PCDH15: variants seen among roughly 807,000 people sequenced by gnomAD.
The protein encoded by PCDH15 is protocadherin related 15.
PCDH15 carries 129 observed loss-of-function variants against 178.5 expected under a neutral mutation model. That is an observed-to-expected ratio of 0.72 (90% CI 0.63 to 0.84). The LOEUF (loss-of-function observed/expected upper bound fraction) is 0.84, where lower values mean the gene tolerates loss of function less well. Among genes scored for constraint, PCDH15 ranks in the 40% least tolerant of loss-of-function variants. The pLI, the probability that PCDH15 is intolerant of heterozygous loss-of-function variation, is 0.00. For missense variants in PCDH15, 2,230 were observed against 2,099.9 expected (o/e 1.06, Z -1.21); for synonymous variants, 800 against 732.0 (o/e 1.09, Z -1.50).
At chr10:54,366,379 A>G (rs1314433039) in intron 5 of PCDH15, among the ~76,000 whole-genome samples, 2 of 152,114 alleles carry the variant, frequency 1.3e-5, no homozygotes, top group East Asian at 1.9e-4. Flanking sequence ...TAAAAGGACA[A>G]ATAGTATGAA....
At chr10:54,113,363 C>T (rs899318576) in intron 15 of PCDH15, among the ~76,000 whole-genome samples, 1 of 152,156 alleles carries the variant, frequency 6.6e-6, no homozygotes, top group Non-Finnish European at 1.5e-5. Context: ...CTTGACTCTC[C>T]TCACTTTCCA....
intron 2 of PCDH15, among the ~76,000 whole-genome samples, chr10:54,641,927 T>C (rs1168652374): frequency 6.6e-6 from 1 of 152,116 alleles, no homozygotes; most frequent in East Asian, 1.9e-4. Flanking sequence ...AAAATTATTA[T>C]CATTGGCTAA....
At chr10:55,130,788 G>A (rs1838021705) in intron 2 of PCDH15, among the ~76,000 whole-genome samples, 1 of 150,030 alleles carries the variant, frequency 6.7e-6, no homozygotes, top group African/African-American at 2.5e-5. Flanking sequence ...CCTTTTCATA[G>A]ATAACATTGT....
intron 1 of PCDH15, among the ~76,000 whole-genome samples, chr10:54,763,873 ATATT>A (rs1341098243): frequency 1.3e-5 from 2 of 150,876 alleles, no homozygotes; most frequent in Admixed American, 6.6e-5. Context: ...TTAGTACAGA[ATATT>A]TAGCCTTTTT....
intron 2 of PCDH15, among the ~76,000 whole-genome samples, chr10:55,088,774 A>T (rs1186213946): frequency 1.3e-5 from 2 of 151,592 alleles, no homozygotes; most frequent in Non-Finnish European, 2.9e-5. Flanking sequence ...CAATTTAAAG[A>T]ATACCTTCAT....
chr10:53,965,404 A>G (rs953704515), intron 21 of PCDH15, among the ~76,000 whole-genome samples: 2 of 152,182 alleles, frequency 1.3e-5, no homozygotes, highest in African/African-American at 4.8e-5. Flanking sequence ...TTTAAGAATT[A>G]TCTTCTGAAA....
chr10:54,649,655 A>ATG (rs974912819), intron 2 of PCDH15, among the ~76,000 whole-genome samples: 3 of 151,846 alleles, frequency 2.0e-5, no homozygotes, highest in African/African-American at 4.8e-5. Flanking sequence ...ATGTGTGTGT[A>ATG]TGTGTGTGTG....
intron 2 of PCDH15, among the ~76,000 whole-genome samples, chr10:55,164,120 G>A (rs1043213928): frequency 4.6e-5 from 7 of 152,082 alleles, no homozygotes; most frequent in Admixed American, 3.3e-4. Context: ...TATGGCTGCG[G>A]AGTCAGACCC....
At chr10:54,763,070 G>T (rs1360432670) in intron 1 of PCDH15, among the ~76,000 whole-genome samples, 1 of 152,130 alleles carries the variant, frequency 6.6e-6, no homozygotes, top group Non-Finnish European at 1.5e-5. Flanking sequence ...GACCATCTGT[G>T]AGAGGACACT....
intron 10 of PCDH15, among the ~76,000 whole-genome samples, chr10:54,197,097 A>T (rs1032825368): frequency 2.6e-5 from 4 of 152,156 alleles, no homozygotes; most frequent in African/African-American, 9.6e-5. Context: ...GACAGAAATA[A>T]TAAATTTCAT....
chr10:54,286,987 G>T (rs191984995), intron 8 of PCDH15, among the ~76,000 whole-genome samples: 19 of 152,162 alleles, frequency 1.2e-4, no homozygotes, highest in African/African-American at 3.9e-4. Flanking sequence ...TTATTAAATG[G>T]TCTATTATCC....
At chr10:54,278,942 G>A (rs2058509741) in intron 8 of PCDH15, among the ~76,000 whole-genome samples, 1 of 151,434 alleles carries the variant, frequency 6.6e-6, no homozygotes, top group African/African-American at 2.4e-5. Context: ...GCACTTACTT[G>A]TTGTTTCTAA....
intron 1 of PCDH15, among the ~76,000 whole-genome samples, chr10:54,740,565 T>G (rs967145551): frequency 6.6e-6 from 1 of 151,796 alleles, no homozygotes; most frequent in African/African-American, 2.4e-5. Context: ...CCACAAAAAA[T>G]CTGCAGTCTC....
chr10:53,956,600 A>T (rs976302126), intron 23 of PCDH15, among the ~76,000 whole-genome samples: 2 of 152,332 alleles, frequency 1.3e-5, no homozygotes, highest in Admixed American at 1.3e-4. Flanking sequence ...ATGCATTATG[A>T]TCAAGATACT....
At chr10:54,281,978 G>A (rs1056805188) in intron 8 of PCDH15, among the ~76,000 whole-genome samples, 7 of 152,024 alleles carry the variant, frequency 4.6e-5, no homozygotes, top group Non-Finnish European at 1.0e-4. Flanking sequence ...AAAGGTGTTC[G>A]AAGCAAATTT....
At chr10:55,589,982 T>G (rs1326456526) in intron 2 of PCDH15, among the ~76,000 whole-genome samples, 117 of 145,184 alleles carry the variant, frequency 8.1e-4, no homozygotes, top group African/African-American at 2.8e-3. Context: ...CAAAGGACTA[T>G]AAATCATGCT....
chr10:55,467,373 C>CTTTTTTTTTTTTTTTTT lies in PCDH15; in HGVS notation c.-156+160235_-156+160251dup, dbSNP rs59787759. On this transcript the variant is annotated intron_variant, in intron 2 of 5. Coordinates refer to the PCDH15 transcript ENST00000613346. Reference sequence around the variant, plus strand: ...AAAGAAAAGCCTGATCTTGGCCTGACTTTTTTTTTTTTTTTTTTTTAACTA... The same window carrying CTTTTTTTTTTTTTTTTT: ...AAAGAAAAGCCTGATCTTGGCCTGACTTTTTTTTTTTTTTTTTTTTTTTTTTTTTTTTTTTTTAACTA... Among the ~76,000 whole-genome samples the CTTTTTTTTTTTTTTTTT allele has an allele frequency of 3.4e-5, 3 of 87,770 alleles. 1 individual carries two copies. The highest frequency in any genetic ancestry group is 7.4e-5 in the Non-Finnish European group (3 of 40,310). The allele number at this position is 87,770 out of a possible 152,430, so 57.6% of individuals were successfully genotyped here.
intron 1 of PCDH15, among the ~76,000 whole-genome samples, chr10:54,789,549 A>G (rs1052310235): frequency 2.0e-5 from 3 of 152,040 alleles, no homozygotes; most frequent in African/African-American, 7.2e-5. Context: ...ATATTTCCTT[A>G]GCAACAATCA....
At chr10:54,076,612 C>A (rs538198440) in intron 17 of PCDH15, among the ~76,000 whole-genome samples, 154 of 151,862 alleles carry the variant, frequency 1.0e-3, no homozygotes, top group African/African-American at 3.6e-3. Flanking sequence ...TTTATCTGTA[C>A]CCCCGATAGC....
Sources: allele counts gnomAD v4.1 joint callset (sites outside exome capture counted in the v4.1 genomes callset), GRCh38; gene constraint gnomAD v4.1.1; transcripts MANE v1.5; gene names NCBI Gene and HGNC (gene_info 2026-07-23, HGNC 2026-07-21).